Variants in PDGFD observed in about 807,000 individuals in gnomAD.
PDGFD encodes platelet derived growth factor D, also known as platelet-derived growth factor D.
PDGFD carries 30 observed loss-of-function variants against 44.7 expected under a neutral mutation model. The observed-to-expected ratio is 0.67, with a 90% confidence interval of 0.50 to 0.91. The LOEUF (loss-of-function observed/expected upper bound fraction) is 0.91. Ranked by LOEUF, PDGFD falls within the 40% of genes least tolerant of loss-of-function variation. PDGFD has a pLI of 0.00. For synonymous variants in PDGFD, 173 were observed against 168.4 expected (o/e 1.03, Z -0.21); for missense variants, 445 against 457.8 (o/e 0.97, Z 0.25).
At chr11:104,118,176 T>C (rs1439661807) in intron 1 of PDGFD, among the ~76,000 whole-genome samples, 1 of 151,880 alleles carries the variant, frequency 6.6e-6, no homozygotes, top group Non-Finnish European at 1.5e-5. Context: ...CCAAGTTGGA[T>C]TATGAAGCCT....
At chr11:104,126,904 G>A (rs375470534) in intron 1 of PDGFD, among the ~76,000 whole-genome samples, 1 of 115,086 alleles carries the variant, frequency 8.7e-6, no homozygotes, top group Admixed American at 8.7e-5. Flanking sequence ...AAAATTACAT[G>A]AGCTCTCACA....
intron 1 of PDGFD, among the ~76,000 whole-genome samples, chr11:104,131,857 G>A (rs966217524): frequency 1.4e-5 from 2 of 143,246 alleles, no homozygotes; most frequent in Admixed American, 7.1e-5. Flanking sequence ...TCTACCTTTC[G>A]ATAAGATAAT....
chr11:103,942,413 A>C (rs1228631730), intron 5 of PDGFD, among the ~76,000 whole-genome samples: 1 of 152,092 alleles, frequency 6.6e-6, no homozygotes, highest in African/African-American at 2.4e-5. Context: ...TCCTAAGATC[A>C]TATCACTCAG....
intron 3 of PDGFD, among the ~76,000 whole-genome samples, chr11:103,970,170 C>G (rs1252762656): frequency 1.3e-5 from 2 of 152,172 alleles, no homozygotes; most frequent in Non-Finnish European, 2.9e-5. Flanking sequence ...GATGGTATTA[C>G]ATTAGATATA....
intron 1 of PDGFD, among the ~76,000 whole-genome samples, chr11:104,018,158 C>A (rs987938627): frequency 6.6e-6 from 1 of 151,952 alleles, no homozygotes; most frequent in African/African-American, 2.4e-5. Flanking sequence ...CCACACACAC[C>A]CCATTTCCCA....
At chr11:104,065,070 G>C (rs973107259) in intron 1 of PDGFD, among the ~76,000 whole-genome samples, 6 of 152,146 alleles carry the variant, frequency 3.9e-5, no homozygotes, top group Non-Finnish European at 8.8e-5. Flanking sequence ...AGAACGTTGA[G>C]AGAATCAACT....
intron 1 of PDGFD, among the ~76,000 whole-genome samples, chr11:104,066,679 ATATTCT>A (rs1860795046): frequency 6.6e-6 from 1 of 152,170 alleles, no homozygotes; most frequent in Non-Finnish European, 1.5e-5. Context: ...TATTTCAATA[ATATTCT>A]TAAACATATC....
At position 104,131,973 on chromosome 11, in the gene PDGFD, A is replaced by G. The variant is rs907931551; in HGVS notation, c.124+31831T>C. On this transcript the variant is annotated intron_variant, in intron 1 of 6. Coordinates refer to ENST00000393158, the MANE Select transcript of PDGFD (RefSeq NM_025208.5). ...TGTATGTTCAGAGAAGATCTGTTAAAAAACAAAACAAAACAAAACAAAACA... is the reference window on the plus strand; with the variant it reads ...TGTATGTTCAGAGAAGATCTGTTAAGAAACAAAACAAAACAAAACAAAACA... Among the ~76,000 whole-genome samples the G allele has an allele frequency of 2.9e-5, 3 of 102,346 alleles. No individual in the cohort carries two copies. In the East Asian group the frequency reaches 1.3e-3, roughly 43 times the overall value. The allele number at this position is 102,346 out of a possible 152,430, so 67.1% of individuals were successfully genotyped here. A position where few individuals can be genotyped will look rare whatever the true frequency, so the allele number is the denominator to read the frequency against.
At chr11:103,918,944 T>G (rs927689487) in intron 6 of PDGFD, among the ~76,000 whole-genome samples, 43 of 152,188 alleles carry the variant, frequency 2.8e-4, no homozygotes, top group African/African-American at 8.4e-4. Context: ...GAATTAATTA[T>G]AGGAGCTGAA....
intron 3 of PDGFD, among the ~76,000 whole-genome samples, chr11:103,966,363 T>C (rs1859020005): frequency 6.6e-6 from 1 of 152,222 alleles, no homozygotes; most frequent in Admixed American, 6.5e-5. Flanking sequence ...TCTACAGTTG[T>C]TATTCAGCCA....
chr11:103,992,426 A>G (rs1859471072), intron 3 of PDGFD, among the ~76,000 whole-genome samples: 1 of 152,244 alleles, frequency 6.6e-6, no homozygotes, highest in Non-Finnish European at 1.5e-5. Flanking sequence ...CACTTAATAC[A>G]TCCTATGCAT....
chr11:104,109,495 C>T (rs568215976), intron 1 of PDGFD, among the ~76,000 whole-genome samples: 1 of 152,228 alleles, frequency 6.6e-6, no homozygotes, highest in South Asian at 2.1e-4. Context: ...AATTTAGCAA[C>T]ATCTATTAAA....
chr11:104,138,458 G>A (rs1483324581), intron 1 of PDGFD, among the ~76,000 whole-genome samples: 2 of 152,090 alleles, frequency 1.3e-5, no homozygotes, highest in African/African-American at 4.8e-5. Context: ...GTTAAATAAA[G>A]GCTTATGTTT....
chr11:104,036,751 A>C, intron 1 of PDGFD: 2 of 1,252,580 alleles, frequency 1.6e-6, no homozygotes, highest in Non-Finnish European at 2.3e-6. Flanking sequence ...GGCACCAACG[A>C]CGCAGGCCCG....
intron 1 of PDGFD, among the ~76,000 whole-genome samples, chr11:104,047,253 C>T (rs1860457855): frequency 6.8e-6 from 1 of 147,392 alleles, no homozygotes; most frequent in African/African-American, 2.5e-5. Context: ...TGGGTATATA[C>T]CCAGTAATGG....
chr11:104,059,315 T>A (rs1233432138), intron 1 of PDGFD, among the ~76,000 whole-genome samples: 1 of 152,224 alleles, frequency 6.6e-6, no homozygotes, highest in Non-Finnish European at 1.5e-5. Flanking sequence ...AATACAATCT[T>A]CATATGTAAC....
intron 3 of PDGFD, among the ~76,000 whole-genome samples, chr11:103,961,801 C>T (rs1028333337): frequency 4.6e-5 from 7 of 152,164 alleles, no homozygotes; most frequent in South Asian, 2.1e-4. Flanking sequence ...TCACCCTTTT[C>T]CTACATACAG....
At chr11:103,976,456 C>A (rs1859186873) in intron 3 of PDGFD, among the ~76,000 whole-genome samples, 1 of 152,106 alleles carries the variant, frequency 6.6e-6, no homozygotes, top group South Asian at 2.1e-4. Flanking sequence ...TCTAAATATA[C>A]AATCATGTCA....
chr11:103,961,761 G>C (rs771992936), intron 3 of PDGFD, among the ~76,000 whole-genome samples: 1 of 152,122 alleles, frequency 6.6e-6, no homozygotes, highest in African/African-American at 2.4e-5. Flanking sequence ...GAACTTCAAC[G>C]TCACTGCTCT....
Sources: gnomAD v4.1 joint callset for allele counts (sites outside exome capture counted in the v4.1 genomes callset) on GRCh38, gnomAD v4.1.1 for gene constraint, MANE v1.5 for transcripts, NCBI Gene and HGNC (gene_info 2026-07-23, HGNC 2026-07-21) for gene names.